The following ATRNL1 variants were observed in gnomAD, a reference collection of about 807,000 sequenced individuals.
ATRNL1 encodes the protein attractin like 1.
A neutral mutation model predicts 182.7 loss-of-function variants in ATRNL1; 95 were observed. The observed-to-expected ratio is 0.52, with a 90% CI of 0.44 to 0.62. ATRNL1 has a LOEUF of 0.62. ATRNL1 is among the 20% of genes least tolerant of loss of function. The pLI is 0.00. For synonymous variants in ATRNL1, 576 were observed against 568.3 expected (o/e 1.01, Z -0.19); for missense variants, 1,471 against 1,679.5 (o/e 0.88, Z 2.17).
At chr10:115,820,063 G>A (rs1950256598) in intron 27 of ATRNL1, 1 of 152,038 alleles carries the variant, frequency 6.6e-6, no homozygotes, top group Non-Finnish European at 1.5e-5. Flanking sequence ...CCAAAATACG[G>A]CTCAATATTA....
intron 26 of ATRNL1, among the ~76,000 whole-genome samples, chr10:115,706,083 C>G (rs556480873): frequency 1.3e-5 from 2 of 151,956 alleles, no homozygotes; most frequent in East Asian, 3.9e-4. Context: ...AAGTTATTCC[C>G]TTGCAGTTCT....
chr10:115,336,829 T>G (rs1855500703), intron 19 of ATRNL1, among the ~76,000 whole-genome samples: 1 of 152,050 alleles, frequency 6.6e-6, no homozygotes, highest in Non-Finnish European at 1.5e-5. Flanking sequence ...TGTACAGTGT[T>G]GTGCAACTGT....
intron 24 of ATRNL1, among the ~76,000 whole-genome samples, chr10:115,501,536 A>G (rs1267017089): frequency 6.6e-6 from 1 of 152,170 alleles, no homozygotes; most frequent in Non-Finnish European, 1.5e-5. Context: ...TCAGTCATGT[A>G]CTGTTACAAA....
chr10:115,729,064 A>G (rs1555061712), intron 27 of ATRNL1, among the ~76,000 whole-genome samples: 1 of 152,156 alleles, frequency 6.6e-6, no homozygotes, highest in African/African-American at 2.4e-5. Context: ...TAGACTAAAG[A>G]AGAAAAGAAA....
chr10:115,754,376 C>G (rs186905949), intron 27 of ATRNL1, among the ~76,000 whole-genome samples: 12 of 152,280 alleles, frequency 7.9e-5, no homozygotes, highest in Middle Eastern at 3.4e-3. Context: ...GATCCAGTTT[C>G]AGCTTTCTGC....
At chr10:115,179,059 G>A (rs913017081) in intron 8 of ATRNL1, among the ~76,000 whole-genome samples, 2 of 151,974 alleles carry the variant, frequency 1.3e-5, no homozygotes, top group South Asian at 2.1e-4. Flanking sequence ...GAATAAATAC[G>A]ATTTTCATCA....
chr10:115,117,538 A>T (rs960096864), intron 1 of ATRNL1, among the ~76,000 whole-genome samples: 1 of 152,060 alleles, frequency 6.6e-6, no homozygotes, highest in African/African-American at 2.4e-5. Flanking sequence ...ACTGAATCAC[A>T]TTATTTTTAT....
At chr10:115,173,318 G>T (rs1554886082) in intron 8 of ATRNL1, among the ~76,000 whole-genome samples, 1 of 151,656 alleles carries the variant, frequency 6.6e-6, no homozygotes, top group African/African-American at 2.4e-5. Flanking sequence ...TTAATTTTTG[G>T]TTTTATTATA....
chr10:115,603,572 A>T (rs1856725400), intron 26 of ATRNL1, among the ~76,000 whole-genome samples: 1 of 152,190 alleles, frequency 6.6e-6, no homozygotes, highest in South Asian at 2.1e-4. Context: ...CTTATAATTT[A>T]TTTCCATTTC....
intron 26 of ATRNL1, among the ~76,000 whole-genome samples, chr10:115,600,999 T>C (rs1856564958): frequency 6.6e-6 from 1 of 151,692 alleles, no homozygotes; most frequent in East Asian, 1.9e-4. Flanking sequence ...AACATTATCC[T>C]TTCCGCATTG....
At position 115,363,910 on chromosome 10, in the gene ATRNL1, T is replaced by G. The variant is rs1173034116; in HGVS notation, c.3175+29491T>G. Among the ~76,000 whole-genome samples, 1,256 of 151,386 alleles carry G rather than the reference T, an allele frequency of 8.3e-3. 11 individuals are homozygous for G. Among genetic ancestry groups the G allele is most frequent in the African/African-American group, 0.028 (1,144 of 41,298 alleles). Reference sequence around the variant, plus strand: ...TTTTGGTACCAGTACCATGCTGTTTTGGTTACTGTAGCCTTGTAGTATAGT... The same window carrying G: ...TTTTGGTACCAGTACCATGCTGTTTGGGTTACTGTAGCCTTGTAGTATAGT... On this transcript the variant is annotated intron_variant, in intron 19 of 28. Transcript: ENST00000355044.
chr10:115,627,053 A>C (rs1248552592), intron 26 of ATRNL1, among the ~76,000 whole-genome samples: 1 of 152,194 alleles, frequency 6.6e-6, no homozygotes, highest in Non-Finnish European at 1.5e-5. Context: ...AAAATTTGCA[A>C]AACTTGAAAA....
intron 17 of ATRNL1, among the ~76,000 whole-genome samples, chr10:115,311,469 G>T (rs1199010670): frequency 6.6e-6 from 1 of 152,174 alleles, no homozygotes; most frequent in Non-Finnish European, 1.5e-5. Context: ...TTACAGGCGT[G>T]AGCCACTGCG....
chr10:115,660,958 T>C (rs1276487736), intron 26 of ATRNL1, among the ~76,000 whole-genome samples: 1 of 151,976 alleles, frequency 6.6e-6, no homozygotes, highest in East Asian at 1.9e-4. Context: ...ATTAAAGGTA[T>C]AGGGAAATGA....
intron 26 of ATRNL1, among the ~76,000 whole-genome samples, chr10:115,586,624 T>A (rs1430334752): frequency 8.8e-6 from 1 of 113,752 alleles, no homozygotes; most frequent in Non-Finnish European, 1.9e-5. Context: ...TAAGCACTTC[T>A]CTGTATTGGT....
At position 115,334,369 on chromosome 10, in the gene ATRNL1, A is replaced by G. The variant is rs1191200572; in HGVS notation, c.3125A>G (p.Asp1042Gly). ...CTCACCACAGGAAAGCAGTGTCAAGATTGTATGCCAGGTTATTATGGAGAT... is the reference window on the plus strand; with the variant it reads ...CTCACCACAGGAAAGCAGTGTCAAGGTTGTATGCCAGGTTATTATGGAGAT... ...KNLTTGKQCQ[D>G]CMPGYYGDPT... The change falls in exon 19 of 29, where the codon GAT becomes GGT. Residue 1042 changes from aspartate to glycine, a missense_variant. This residue lies in a region of ATRNL1 where 437 missense variants were observed against 506.0 expected (regional missense o/e 0.86). Transcript: ENST00000355044. 1 of 1,607,324 alleles carries G rather than the reference A, an allele frequency of 6.2e-7. No homozygotes were observed. Among genetic ancestry groups the G allele is most frequent in the Non-Finnish European group, 8.5e-7 (1 of 1,175,286 alleles).
chr10:115,448,356 A>G (rs1847110195), intron 21 of ATRNL1, among the ~76,000 whole-genome samples: 1 of 152,174 alleles, frequency 6.6e-6, no homozygotes, highest in African/African-American at 2.4e-5. Flanking sequence ...CTCTTGGACC[A>G]TGTGAAAATA....
chr10:115,661,870 A>C (rs1332685441), intron 26 of ATRNL1, among the ~76,000 whole-genome samples: 3 of 151,810 alleles, frequency 2.0e-5, no homozygotes, highest in Non-Finnish European at 2.9e-5. Flanking sequence ...TGCTGCACCC[A>C]TTACCTCGTT....
intron 17 of ATRNL1, among the ~76,000 whole-genome samples, chr10:115,302,428 T>C (rs1853518607): frequency 6.6e-6 from 1 of 152,212 alleles, no homozygotes; most frequent in Non-Finnish European, 1.5e-5. Flanking sequence ...TTTGATATTT[T>C]TGAATAACCT....
Sources: allele counts gnomAD v4.1 joint callset (sites outside exome capture counted in the v4.1 genomes callset), GRCh38; gene constraint gnomAD v4.1.1; regional missense constraint gnomAD v4.1.1; transcripts MANE v1.5; gene names NCBI Gene and HGNC (gene_info 2026-07-23, HGNC 2026-07-21).